RAD51B: variants seen among roughly 807,000 people sequenced by gnomAD.
RAD51B encodes DNA repair protein RAD51 homolog 2.
A neutral mutation model predicts 42.2 loss-of-function variants in RAD51B; 38 were observed. That is an observed-to-expected ratio of 0.90 (90% CI 0.70 to 1.18). RAD51B has a LOEUF of 1.18. Among genes scored for constraint, RAD51B ranks in the 50% most tolerant of loss-of-function variants. The pLI, the probability that RAD51B is intolerant of heterozygous loss-of-function variation, is 0.00. For synonymous variants in RAD51B, 154 were observed against 145.2 expected (o/e 1.06, Z -0.43); for missense variants, 373 against 400.7 (o/e 0.93, Z 0.59).
chr14:68,206,788 CTTTT>C (rs34642019), intron 7 of RAD51B, among the ~76,000 whole-genome samples: 5 of 124,334 alleles, frequency 4.0e-5, no homozygotes, highest in Non-Finnish European at 3.4e-5. Flanking sequence ...AACCCCAGTT[CTTTT>C]TTTTTTTTTT....
At chr14:68,479,976 C>T (rs1465900745), downstream of RAD51B, among the ~76,000 whole-genome samples, 7 of 152,084 alleles carry the variant, frequency 4.6e-5, no homozygotes, top group Non-Finnish European at 8.8e-5. Flanking sequence ...CATGAGCCAC[C>T]GCGCCCAGCC....
chr14:68,517,422 G>A (rs554974830), intron 10 of RAD51B, among the ~76,000 whole-genome samples: 23 of 152,314 alleles, frequency 1.5e-4, no homozygotes, highest in Admixed American at 6.5e-4. Context: ...GTGACTGCCA[G>A]CATAGTCTAG....
At chr14:67,953,781 C>G (rs1271930925) in intron 7 of RAD51B, among the ~76,000 whole-genome samples, 14 of 151,982 alleles carry the variant, frequency 9.2e-5, no homozygotes, top group Admixed American at 9.2e-4. Flanking sequence ...GTAACTAGGG[C>G]ACTGGTTGTA....
chr14:67,881,607 C>T (rs140562298), intron 5 of RAD51B, among the ~76,000 whole-genome samples: 1 of 152,132 alleles, frequency 6.6e-6, no homozygotes, highest in African/African-American at 2.4e-5. Context: ...GTTTACTTTC[C>T]CTTTCTTGTG....
intron 7 of RAD51B, among the ~76,000 whole-genome samples, chr14:68,264,163 G>GA (rs2080940011): frequency 1.3e-5 from 2 of 152,244 alleles, no homozygotes; most frequent in South Asian, 4.1e-4. Context: ...AAACAGGGGT[G>GA]AGGATCGTGT....
chr14:68,369,400 G>A (rs185963846), intron 8 of RAD51B, among the ~76,000 whole-genome samples: 8 of 152,136 alleles, frequency 5.3e-5, no homozygotes, highest in African/African-American at 9.7e-5. Flanking sequence ...GAAACCTTCC[G>A]TGAGAAAATG....
intron 9 of RAD51B, among the ~76,000 whole-genome samples, chr14:68,427,445 G>A (rs1456025033): frequency 6.6e-6 from 1 of 152,256 alleles, no homozygotes; most frequent in Non-Finnish European, 1.5e-5. Context: ...CCCTGCCTTA[G>A]TGTGAACAGA....
At chr14:68,066,223 T>C (rs1777705355) in intron 7 of RAD51B, among the ~76,000 whole-genome samples, 1 of 152,082 alleles carries the variant, frequency 6.6e-6, no homozygotes, top group Non-Finnish European at 1.5e-5. Context: ...TAAGGCAGGA[T>C]AATAAAACTG....
intron 7 of RAD51B, among the ~76,000 whole-genome samples, chr14:68,055,853 TGA>T (rs2076465471): frequency 6.6e-6 from 1 of 152,206 alleles, no homozygotes. Flanking sequence ...TCACAAAACG[TGA>T]GTTTTATATT....
intron 7 of RAD51B, among the ~76,000 whole-genome samples, chr14:68,174,456 T>A (rs946170594): frequency 2.6e-5 from 4 of 152,092 alleles, no homozygotes; most frequent in Non-Finnish European, 5.9e-5. Flanking sequence ...GACAAAGGCA[T>A]AACCTTGACA....
rs190262917 is a variant in RAD51B at position 67,964,514 on chromosome 14, G to A, written c.756+77310G>A. Reference sequence around the variant, plus strand: ...GTTATGATTTCAACATGCCTACAGGGCACACCCCAGAAAACATTACACAAC... The same window carrying A: ...GTTATGATTTCAACATGCCTACAGGACACACCCCAGAAAACATTACACAAC... On this transcript the variant is annotated intron_variant, in intron 7 of 10. Transcript: ENST00000471583. 3.3e-5 allele frequency among the ~76,000 whole-genome samples: 5 copies of A among 152,282 alleles called. No homozygotes were observed. The East Asian group carries it at 9.6e-4, about 29-fold the overall frequency.
intron 7 of RAD51B, among the ~76,000 whole-genome samples, chr14:68,279,801 T>A (rs2081287674): frequency 6.6e-6 from 1 of 152,234 alleles, no homozygotes; most frequent in Non-Finnish European, 1.5e-5. Context: ...TTTAGAGGTA[T>A]GCATTTGAAA....
At chr14:68,278,660 ATTTG>A (rs557350497) in intron 7 of RAD51B, among the ~76,000 whole-genome samples, 9 of 152,184 alleles carry the variant, frequency 5.9e-5, no homozygotes, top group Non-Finnish European at 1.3e-4. Context: ...AGCCAGTTAC[ATTTG>A]TTTGTTTGTT....
intron 8 of RAD51B, among the ~76,000 whole-genome samples, chr14:68,395,050 T>C (rs937749637): frequency 2.6e-5 from 4 of 151,956 alleles, no homozygotes; most frequent in African/African-American, 9.7e-5. Context: ...TCTGTCGGCA[T>C]CCCCCCCTTT....
downstream of RAD51B, among the ~76,000 whole-genome samples, chr14:68,482,009 A>C (rs1038564958): frequency 5.3e-5 from 8 of 152,214 alleles, no homozygotes; most frequent in African/African-American, 1.9e-4. Context: ...GGAAATGTTC[A>C]CAAGAAAGAA....
chr14:68,011,227 A>G (rs2075679184), intron 7 of RAD51B, among the ~76,000 whole-genome samples: 1 of 152,016 alleles, frequency 6.6e-6, no homozygotes, highest in African/African-American at 2.4e-5. Context: ...ATCTACTCTC[A>G]GTCTGTAAAG....
intron 9 of RAD51B, among the ~76,000 whole-genome samples, chr14:68,425,963 TCTTTCTTTCTTTCTTCCTTCCTTC>T (rs1309671043): frequency 5.1e-5 from 6 of 116,506 alleles, no homozygotes; most frequent in African/African-American, 2.0e-4. Flanking sequence ...TTTCTTTCTT[TCTTTCTTTCTTTCTTCCTTCCTTC>T]CTTCCTTCCT....
intron 4 of RAD51B, among the ~76,000 whole-genome samples, chr14:67,847,017 T>C (rs2041639366): frequency 6.6e-6 from 1 of 152,154 alleles, no homozygotes; most frequent in Admixed American, 6.5e-5. Context: ...TGAGAGGGGT[T>C]TGTTTTTCAC....
At chr14:68,260,061 A>G (rs1442920602) in intron 7 of RAD51B, among the ~76,000 whole-genome samples, 1 of 151,908 alleles carries the variant, frequency 6.6e-6, no homozygotes, top group African/African-American at 2.4e-5. Context: ...AAAACTAAGG[A>G]AAGTGATAAT....
Sources: allele counts gnomAD v4.1 joint callset (sites outside exome capture counted in the v4.1 genomes callset), GRCh38; gene constraint gnomAD v4.1.1; transcripts MANE v1.5; gene names NCBI Gene and HGNC (gene_info 2026-07-23, HGNC 2026-07-21).